UNC5D: variants seen among roughly 807,000 people sequenced by gnomAD.
UNC5D encodes the protein netrin receptor UNC5D.
In UNC5D, 39 loss-of-function variants were observed where a neutral mutation model predicts 105.4. The observed-to-expected ratio is 0.37, with a 90% CI of 0.29 to 0.48. UNC5D has a LOEUF of 0.48. Among genes scored for constraint, UNC5D ranks in the 20% least tolerant of loss-of-function variants. The pLI is 0.98. For synonymous variants in UNC5D, 452 were observed against 450.4 expected (o/e 1.00, Z -0.04); for missense variants, 991 against 1,202.4 (o/e 0.82, Z 2.60).
chr8:35,665,531 T>C (rs1824367185), intron 4 of UNC5D, among the ~76,000 whole-genome samples: 1 of 152,162 alleles, frequency 6.6e-6, no homozygotes, highest in Non-Finnish European at 1.5e-5. Context: ...TGCTTTCTAC[T>C]TTTACAGAAA....
At chr8:35,525,980 A>G (rs2130493637) in intron 1 of UNC5D, among the ~76,000 whole-genome samples, 1 of 152,290 alleles carries the variant, frequency 6.6e-6, no homozygotes, top group South Asian at 2.1e-4. Flanking sequence ...TGGTGTAATT[A>G]TCTTCATATT....
chr8:35,250,811 T>C (rs1803642712), intron 1 of UNC5D, among the ~76,000 whole-genome samples: 1 of 152,078 alleles, frequency 6.6e-6, no homozygotes, highest in Admixed American at 6.6e-5. Context: ...TAGTTGCTTT[T>C]TCATCCCTCC....
intron 15 of UNC5D, among the ~76,000 whole-genome samples, chr8:35,771,647 A>G (rs1204470241): frequency 1.3e-5 from 2 of 152,132 alleles, no homozygotes; most frequent in Non-Finnish European, 2.9e-5. Context: ...TGGAATAACC[A>G]CCTATCCACC....
intron 1 of UNC5D, among the ~76,000 whole-genome samples, chr8:35,413,292 T>TGTTGTGTGTGTG (rs56157732): frequency 1.4e-3 from 183 of 128,026 alleles, no homozygotes; most frequent in African/African-American, 5.2e-3. Context: ...TGTGTGTGTG[T>TGTTGTGTGTGTG]TGTGTGTGTG....
chr8:35,636,023 G>A (rs1184412077), intron 4 of UNC5D, among the ~76,000 whole-genome samples: 1 of 152,156 alleles, frequency 6.6e-6, no homozygotes, highest in Non-Finnish European at 1.5e-5. Flanking sequence ...ATTTTTGGCT[G>A]AGAGGTGGTA....
intron 4 of UNC5D, among the ~76,000 whole-genome samples, chr8:35,604,373 C>T (rs1453614418): frequency 6.6e-6 from 1 of 152,170 alleles, no homozygotes; most frequent in Non-Finnish European, 1.5e-5. Context: ...ATATTGGCCC[C>T]CACCCTCTTC....
At chr8:35,427,489 G>A (rs867101031) in intron 1 of UNC5D, among the ~76,000 whole-genome samples, 4 of 152,302 alleles carry the variant, frequency 2.6e-5, no homozygotes, top group South Asian at 2.1e-4. Flanking sequence ...TGTTTTAGCA[G>A]GGTGGATGTC....
At chr8:35,789,782 C>T (rs1802943490) in intron 16 of UNC5D, among the ~76,000 whole-genome samples, 1 of 152,020 alleles carries the variant, frequency 6.6e-6, no homozygotes, top group Admixed American at 6.6e-5. Context: ...ACCTTGAAAG[C>T]TCTTATGTTT....
intron 1 of UNC5D, among the ~76,000 whole-genome samples, chr8:35,344,410 T>C (rs1811663463): frequency 6.6e-6 from 1 of 152,080 alleles, no homozygotes; most frequent in Non-Finnish European, 1.5e-5. Context: ...CATGTTCACC[T>C]GCATTGGCTC....
chr8:35,380,087 TG>T (rs143898919), intron 1 of UNC5D, among the ~76,000 whole-genome samples: 13 of 26,298 alleles, frequency 4.9e-4, no homozygotes, highest in East Asian at 3.1e-3. Flanking sequence ...TAATTGGGGG[TG>T]GGGGGGGGGT....
At chr8:35,737,633 T>G (rs1277034419) in intron 11 of UNC5D, among the ~76,000 whole-genome samples, 1 of 152,172 alleles carries the variant, frequency 6.6e-6, no homozygotes, top group Non-Finnish European at 1.5e-5. Flanking sequence ...TAAGATGTCA[T>G]GATATTTGGT....
intron 1 of UNC5D, among the ~76,000 whole-genome samples, chr8:35,547,282 AC>A (rs1815759279): frequency 9.8e-6 from 1 of 102,078 alleles, no homozygotes; most frequent in Non-Finnish European, 1.9e-5. Flanking sequence ...ACAGAACATT[AC>A]TCTTTTTTTT....
In UNC5D at chr8:35,258,762, C is replaced by T. The variant is rs185544507; in HGVS notation, c.103+22875C>T. Among the ~76,000 whole-genome samples the T allele has an allele frequency of 1.1e-4, 17 of 152,226 alleles. No homozygotes were observed. In the East Asian group the frequency reaches 3.3e-3, roughly 29 times the overall value. On this transcript the variant is annotated intron_variant, in intron 1 of 16. Transcript: ENST00000404895. ...TCTTTCAGTTTAGCAAGGGAGATGC[C>T]AGAATAAACTCTATAAGGAAAAGTG... is the stretch of plus-strand genomic sequence containing the variant.
chr8:35,348,773 C>G (rs1811990095), intron 1 of UNC5D, among the ~76,000 whole-genome samples: 1 of 151,780 alleles, frequency 6.6e-6, no homozygotes, highest in Admixed American at 6.6e-5. Flanking sequence ...CTTAATGCTT[C>G]CATACTAAGA....
At chr8:35,724,076 G>A in intron 9 of UNC5D, 1 of 1,339,514 alleles carries the variant, frequency 7.5e-7, no homozygotes, top group Non-Finnish European at 9.6e-7. Context: ...CAGGATGCCA[G>A]CGTGTTCCGT....
intron 9 of UNC5D, among the ~76,000 whole-genome samples, chr8:35,725,045 A>G (rs1344222599): frequency 6.6e-6 from 1 of 152,262 alleles, no homozygotes; most frequent in African/African-American, 2.4e-5. Flanking sequence ...CATCACAACA[A>G]GAGATGGGAA....
At chr8:35,471,778 C>T (rs1413052402) in intron 1 of UNC5D, among the ~76,000 whole-genome samples, 1 of 152,166 alleles carries the variant, frequency 6.6e-6, no homozygotes, top group Non-Finnish European at 1.5e-5. Context: ...CTGGTAAAGA[C>T]ATCTTTTGCC....
chr8:35,774,651 G>A (rs1802158861), intron 16 of UNC5D, among the ~76,000 whole-genome samples, 174 bp downstream of exon 16: 2 of 151,998 alleles, frequency 1.3e-5, no homozygotes, highest in South Asian at 4.1e-4. Context: ...ATAACAGTAG[G>A]CCAAGCGTGG....
intron 2 of UNC5D, among the ~76,000 whole-genome samples, chr8:35,561,863 C>T (rs1353824055): frequency 6.6e-6 from 1 of 152,094 alleles, no homozygotes; most frequent in Non-Finnish European, 1.5e-5. Flanking sequence ...GCACCTCAAA[C>T]ACTTATGTTT....
Sources: gnomAD v4.1 joint callset for allele counts (sites outside exome capture counted in the v4.1 genomes callset) on GRCh38, gnomAD v4.1.1 for gene constraint, MANE v1.5 for transcripts, NCBI Gene and HGNC (gene_info 2026-07-23, HGNC 2026-07-21) for gene names.